Variants in FBRSL1 observed in about 807,000 individuals in gnomAD.
FBRSL1 encodes the protein fibrosin-1-like protein.
FBRSL1 carries 51 observed loss-of-function variants against 89.6 expected under a neutral mutation model. The ratio of observed to expected loss-of-function variants is 0.57; its 90% CI spans 0.45 to 0.72. FBRSL1 has a LOEUF of 0.72. Among genes scored for constraint, FBRSL1 ranks in the 30% least tolerant of loss-of-function variants. The pLI is 0.00. For missense variants in FBRSL1, 1,618 were observed against 1,451.8 expected (o/e 1.11, Z -1.86); for synonymous variants, 779 against 681.1 (o/e 1.14, Z -2.24).
At position 132,567,512 on chromosome 12, in the gene FBRSL1, C is replaced by T. The variant is rs764181230; in HGVS notation, c.677C>T (p.Pro226Leu). 2.1e-5 allele frequency: 32 copies of T among 1,550,958 alleles called. No homozygotes were observed. The highest frequency in any genetic ancestry group is 6.8e-5 in the African/African-American group (5 of 73,028). Residue 226 changes from proline to leucine, a missense_variant, in exon 6 of 19, where the codon CCG becomes CTG. Transcript: ENST00000680143. ...ASVGSEKLFA[P>L]GTDKGPALEK... ...GTGGGCTCTGAGAAGCTCTTTGCGC[C>T]GGGAACCGATAAAGGTAAGTGGGTC...
chr12:132,531,403 G>C (rs369669268), intron 4 of FBRSL1, among the ~76,000 whole-genome samples: 2 of 151,974 alleles, frequency 1.3e-5, no homozygotes, highest in Non-Finnish European at 2.9e-5. Flanking sequence ...GTGTGTGTGC[G>C]TGCATGTGTG....
At chr12:132,527,574 G>C (rs1457066102) in intron 3 of FBRSL1, among the ~76,000 whole-genome samples, 1 of 152,216 alleles carries the variant, frequency 6.6e-6, no homozygotes, top group Non-Finnish European at 1.5e-5. Flanking sequence ...GTCCCCATCC[G>C]AGTTGAGGGC....
rs990352389 is a variant in FBRSL1, at chr12:132,564,727, C to T, written c.646-2754C>T. ...AGCCAGGATGGTCTCGATCTCCTGA[C>T]CTCGTGATCCGCCCTCCTCGGCCTC... On this transcript the variant is annotated intron_variant, in intron 5 of 18. Coordinates refer to ENST00000680143, the MANE Select transcript of FBRSL1 (RefSeq NM_001367871.1). Among the ~76,000 whole-genome samples, 18 of 81,028 alleles carry T rather than the reference C, an allele frequency of 2.2e-4. 3 individuals are homozygous for T. Among genetic ancestry groups the T allele is most frequent in the South Asian group, 4.6e-4 (1 of 2,160 alleles). 53.2% of individuals were successfully genotyped at this position (81,028 alleles called of 152,430 possible).
chr12:132,541,920 G>A (rs1037135711), intron 4 of FBRSL1, among the ~76,000 whole-genome samples: 6 of 152,230 alleles, frequency 3.9e-5, no homozygotes, highest in South Asian at 2.1e-4. Context: ...CGAACCATCC[G>A]GGTTGCTGGA....
intron 2 of FBRSL1, among the ~76,000 whole-genome samples, chr12:132,524,168 CA>C (rs1328499435): frequency 6.6e-6 from 1 of 152,226 alleles, no homozygotes; most frequent in African/African-American, 2.4e-5. Flanking sequence ...TGCCCGAGGC[CA>C]CAGTGCCAGG....
In FBRSL1 at chr12:132,583,132, C is replaced by G. The variant is rs1047039371; in HGVS notation, c.2363C>G (p.Pro788Arg). 12 of 1,462,432 alleles carry G rather than the reference C, an allele frequency of 8.2e-6. No homozygotes were observed. The East Asian group carries it at 9.2e-5, about 11-fold the overall frequency. The allele number at this position is 1,462,432 out of a possible 1,614,324, so 90.6% of individuals were successfully genotyped here. A position where few individuals can be genotyped will look rare whatever the true frequency, so the allele number is the denominator to read the frequency against. The part of the protein sequence containing the change: ...AEPRVKESRS[P>R]AKEEAAKMPA... ...CCTCGGGTCAAGGAGAGCCGCTCCC[C>G]GGCCAAGGAGGAGGCCGCCAAGATG... Residue 788 changes from proline to arginine, a missense_variant, in exon 19 of 19, where the codon CCG becomes CGG. By Grantham distance (103) the Pro-to-Arg change is moderately radical. Transcript: ENST00000680143.
intron 4 of FBRSL1, among the ~76,000 whole-genome samples, chr12:132,528,387 A>G (rs988593039): frequency 6.6e-6 from 1 of 152,070 alleles, no homozygotes; most frequent in South Asian, 2.1e-4. Flanking sequence ...GGCCTGGGAC[A>G]TTTGGTGTGG....
At chr12:132,530,224 G>A (rs2036149585) in intron 4 of FBRSL1, among the ~76,000 whole-genome samples, 1 of 152,204 alleles carries the variant, frequency 6.6e-6, no homozygotes, top group Non-Finnish European at 1.5e-5. Context: ...CCAGCTCCTG[G>A]TGTGCGTGTT....
At chr12:132,537,986 C>T (rs1017616938) in intron 4 of FBRSL1, among the ~76,000 whole-genome samples, 5 of 152,180 alleles carry the variant, frequency 3.3e-5, no homozygotes, top group South Asian at 2.1e-4. Context: ...GGGGAGGGGC[C>T]GCAGAGCCCT....
chr12:132,569,215 G>T (rs868476099), intron 6 of FBRSL1, among the ~76,000 whole-genome samples: 1 of 144,754 alleles, frequency 6.9e-6, no homozygotes, highest in Admixed American at 6.8e-5. Context: ...GTGTGCGGGG[G>T]TGGGGGGGGC....
chr12:132,508,412 C>T, intron 2 of FBRSL1, 62 bp downstream of exon 2: 1 of 1,370,346 alleles, frequency 7.3e-7, no homozygotes, highest in Non-Finnish European at 9.6e-7. Flanking sequence ...GCCCCAGGGC[C>T]ATGCCAGCAC....
At chr12:132,500,192 G>T (rs1483112408) in intron 1 of FBRSL1, among the ~76,000 whole-genome samples, 2 of 152,144 alleles carry the variant, frequency 1.3e-5, no homozygotes, top group East Asian at 3.9e-4. Context: ...AGGCCAGAGG[G>T]ACACCTGCCC....
chr12:132,571,767 C>T (rs930442729), intron 9 of FBRSL1: 3 of 348,132 alleles, frequency 8.6e-6, no homozygotes, highest in Non-Finnish European at 1.5e-5. Flanking sequence ...TGCCCACGTG[C>T]ATGGGACACC....
intron 4 of FBRSL1, among the ~76,000 whole-genome samples, chr12:132,535,831 G>A (rs2036668857): frequency 1.3e-5 from 2 of 150,162 alleles, no homozygotes; most frequent in Non-Finnish European, 3.0e-5. Context: ...TGGTGTGAGT[G>A]CACGTGTCCA....
At chr12:132,575,956 C>T (rs1322538099) in intron 14 of FBRSL1, among the ~76,000 whole-genome samples, 6 of 152,376 alleles carry the variant, frequency 3.9e-5, no homozygotes, top group African/African-American at 1.4e-4. Context: ...CTCTGGGCCC[C>T]TCTGCTCCCA....
chr12:132,512,947 G>A (rs1045530839), intron 2 of FBRSL1, among the ~76,000 whole-genome samples: 1 of 152,228 alleles, frequency 6.6e-6, no homozygotes, highest in Non-Finnish European at 1.5e-5. Context: ...ACTGGCTTGC[G>A]GTCGGGGTGC....
Position 132,490,438 on chromosome 12 carries a change from C to T in FBRSL1, c.-133C>T. The T allele has an allele frequency of 1.7e-6, 1 of 601,628 alleles. No individual in the cohort carries two copies. The highest frequency in any genetic ancestry group is 2.1e-6 in the Non-Finnish European group (1 of 486,476). 37.3% of individuals were successfully genotyped at this position (601,628 alleles called of 1,614,324 possible). A position where few individuals can be genotyped will look rare whatever the true frequency, so the allele number is the denominator to read the frequency against. Reference sequence around the variant, plus strand: ...GGCATGCCCGGCCCGGCCCGCCGCCCGCCGCCGCCCAGGGCCCGAGCCCGC... The same window carrying T: ...GGCATGCCCGGCCCGGCCCGCCGCCTGCCGCCGCCCAGGGCCCGAGCCCGC... On this transcript the variant is annotated 5_prime_UTR_variant, in exon 1 of 19. Transcript: ENST00000680143.
Position 132,584,973 on chromosome 12 carries a change from C to G in FBRSL1, c.*1195C>G, listed in dbSNP as rs940608435. On this transcript the variant is annotated 3_prime_UTR_variant, in exon 19 of 19. Transcript: ENST00000680143. ...TGGGTTTTGCCCTCACCCACATGAGCCCCCCCATGCCCTGCCCCCCTTGCG... is the reference window on the plus strand; with the variant it reads ...TGGGTTTTGCCCTCACCCACATGAGGCCCCCCATGCCCTGCCCCCCTTGCG... 7 of 151,558 alleles carry G rather than the reference C, an allele frequency of 4.6e-5. No homozygotes were observed. The highest frequency in any genetic ancestry group is 1.7e-4 in the African/African-American group (7 of 41,304). The allele number at this position is 151,558 out of a possible 1,614,324, so 9.4% of individuals were successfully genotyped here.
At chr12:132,517,447 T>A (rs149358849) in intron 2 of FBRSL1, among the ~76,000 whole-genome samples, 38 of 152,240 alleles carry the variant, frequency 2.5e-4, no homozygotes, top group Non-Finnish European at 5.3e-4. Flanking sequence ...TGGCATCCAT[T>A]TTGTACTTTT....
Sources: allele counts gnomAD v4.1 joint callset (sites outside exome capture counted in the v4.1 genomes callset), GRCh38; gene constraint gnomAD v4.1.1; transcripts MANE v1.5; gene names NCBI Gene and HGNC (gene_info 2026-07-23, HGNC 2026-07-21).